MYOF: variants seen among roughly 807,000 people sequenced by gnomAD.
MYOF encodes myoferlin.
A neutral mutation model predicts 284.2 loss-of-function variants in MYOF; 244 were observed. The observed-to-expected ratio is 0.86, with a 90% CI of 0.77 to 0.95. The LOEUF (loss-of-function observed/expected upper bound fraction) is 0.95. Ranked by LOEUF, MYOF falls within the 40% of genes least tolerant of loss-of-function variation. The pLI, the probability that MYOF is intolerant of heterozygous loss-of-function variation, is 0.00. For synonymous variants in MYOF, 904 were observed against 919.7 expected (o/e 0.98, Z 0.31); for missense variants, 2,496 against 2,560.6 (o/e 0.97, Z 0.54).
intron 26 of MYOF, 82 bp from the exon 27 acceptor site, chr10:93,364,157 C>G: frequency 8.5e-7 from 1 of 1,178,304 alleles, no homozygotes. Flanking sequence ...CAGGAAGCAT[C>G]TACACCCTGG....
intron 22 of MYOF, among the ~76,000 whole-genome samples, chr10:93,375,413 C>T (rs1196551662): frequency 6.6e-6 from 1 of 152,134 alleles, no homozygotes. Flanking sequence ...GGGTGGGTCT[C>T]GAAGGTCTGT....
chr10:93,448,555 A>G (rs979416509), intron 3 of MYOF, among the ~76,000 whole-genome samples: 1 of 152,248 alleles, frequency 6.6e-6, no homozygotes, highest in African/African-American at 2.4e-5. Flanking sequence ...TTTTGAGGCC[A>G]GCCCATTGCC....
Position 93,422,448 on chromosome 10 carries a change from G to A in MYOF, c.433+3623C>T, listed in dbSNP as rs149356668. Among the ~76,000 whole-genome samples the A allele has an allele frequency of 5.9e-5, 9 of 152,328 alleles. No individual in the cohort carries two copies. In the East Asian group the frequency reaches 1.7e-3, roughly 29 times the overall value. ...CTACAAACAAAGGCTTAAACCAAGA[G>A]GAAAGGAGAAGGAGCCTTGGGTGGC... On this transcript the variant is annotated intron_variant, in intron 5 of 53. Coordinates refer to ENST00000359263, the MANE Select transcript of MYOF (RefSeq NM_013451.4).
chr10:93,421,609 ATGAGTTCACC>A (rs1343502035), intron 5 of MYOF, among the ~76,000 whole-genome samples: 3 of 152,134 alleles, frequency 2.0e-5, no homozygotes, highest in Non-Finnish European at 4.4e-5. Context: ...GCAGTAATGA[ATGAGTTCACC>A]TGAGAGCTGG....
chr10:93,403,055 G>C (rs1027281246), intron 9 of MYOF, among the ~76,000 whole-genome samples, 165 bp from the exon 10 acceptor site: 19 of 152,168 alleles, frequency 1.2e-4, no homozygotes, highest in Admixed American at 1.0e-3. Flanking sequence ...TGCCTTGTCT[G>C]ATGTGTGGCA....
At chr10:93,347,044 G>C (rs1456349035) in intron 37 of MYOF, among the ~76,000 whole-genome samples, 2 of 152,174 alleles carry the variant, frequency 1.3e-5, no homozygotes. Context: ...CCCAGGAGCA[G>C]GACGCTTCAG....
chr10:93,408,052 C>CT (rs1190226042), intron 7 of MYOF, among the ~76,000 whole-genome samples: 5 of 151,944 alleles, frequency 3.3e-5, no homozygotes, highest in Admixed American at 1.3e-4. Flanking sequence ...GGTAATTTTC[C>CT]TTTTTTTAAA....
intron 49 of MYOF, among the ~76,000 whole-genome samples, chr10:93,317,404 G>A (rs879642228): frequency 2.6e-5 from 4 of 151,958 alleles, no homozygotes; most frequent in African/African-American, 9.7e-5. Flanking sequence ...TTGGGAGGCC[G>A]AGGGGGTAGA....
chr10:93,415,874 A>G (rs1157611224), intron 5 of MYOF, among the ~76,000 whole-genome samples: 1 of 152,178 alleles, frequency 6.6e-6, no homozygotes, highest in African/African-American at 2.4e-5. Context: ...CAAAACTTTC[A>G]TTGACTCCAC....
At chr10:93,332,736 A>G (rs1843381872) in intron 43 of MYOF, among the ~76,000 whole-genome samples, 1 of 151,812 alleles carries the variant, frequency 6.6e-6, no homozygotes, top group African/African-American at 2.4e-5. Context: ...AGTCCCAGCT[A>G]CTCGGGAGGC....
intron 37 of MYOF, among the ~76,000 whole-genome samples, chr10:93,347,396 C>CA (rs1193750464): frequency 6.7e-6 from 1 of 149,778 alleles, no homozygotes; most frequent in East Asian, 2.0e-4. Flanking sequence ...ACTAAAAATA[C>CA]AAAAAATTAG....
chr10:93,452,617 A>G (rs912302735), intron 2 of MYOF, among the ~76,000 whole-genome samples: 5 of 150,800 alleles, frequency 3.3e-5, no homozygotes, highest in Non-Finnish European at 1.5e-5. Flanking sequence ...TGATGAGTTA[A>G]TGGGTGCAGC....
intron 5 of MYOF, 57 bp downstream of exon 5, chr10:93,426,014 T>G: frequency 6.9e-7 from 1 of 1,456,650 alleles, no homozygotes; most frequent in Non-Finnish European, 9.4e-7. Context: ...CACTCTCCTG[T>G]GTGTCTTTAG....
intron 37 of MYOF, among the ~76,000 whole-genome samples, chr10:93,345,634 G>A (rs1485083259): frequency 5.3e-5 from 8 of 152,292 alleles, no homozygotes; most frequent in Non-Finnish European, 1.0e-4. Flanking sequence ...CAGGGTCACA[G>A]GAACACAACT....
At chr10:93,406,848 A>G (rs1420472484) in intron 7 of MYOF, among the ~76,000 whole-genome samples, 5 of 151,262 alleles carry the variant, frequency 3.3e-5, no homozygotes, top group Non-Finnish European at 5.9e-5. Context: ...AGAAGTAGGA[A>G]AAAAAAAAGG....
intron 50 of MYOF, among the ~76,000 whole-genome samples, chr10:93,314,805 T>C (rs787672): frequency 0.6 from 91,523 of 152,016 alleles, 28,581 homozygotes; most frequent in East Asian, 0.9. Context: ...CCCAGCAATA[T>C]TGGGAGGCCG....
chr10:93,464,610 C>G (rs573468740), intron 1 of MYOF, among the ~76,000 whole-genome samples: 1 of 152,200 alleles, frequency 6.6e-6, no homozygotes, highest in South Asian at 2.1e-4. Flanking sequence ...AAGGCTGAAC[C>G]CCCAAGCTCA....
Position 93,306,733 on chromosome 10 carries a change from A to G in MYOF, c.*230T>C, listed in dbSNP as rs1033728065. On this transcript the variant is annotated 3_prime_UTR_variant, in exon 54 of 54. Coordinates refer to ENST00000359263, the MANE Select transcript of MYOF (RefSeq NM_013451.4). ...AAAAATATTTTGAAAAACATGATTT[A>G]AACTTTAGAAAATAAAACTTTTAAT... 2 of 480,674 alleles carry G rather than the reference A, an allele frequency of 4.2e-6. No individual in the cohort carries two copies. Among genetic ancestry groups the G allele is most frequent in the African/African-American group, 4.1e-5 (2 of 49,298 alleles). The allele number at this position is 480,674 out of a possible 1,614,324, so 29.8% of individuals were successfully genotyped here.
Position 93,478,278 on chromosome 10 carries a change from C to T in MYOF, c.88+3829G>A, listed in dbSNP as rs2057310615. 3 of 259,080 alleles carry T rather than the reference C, an allele frequency of 1.2e-5. 1 individual carries two copies. In the South Asian group the frequency reaches 1.2e-4, roughly 10 times the overall value. The allele number at this position is 259,080 out of a possible 1,614,324, so 16.0% of individuals were successfully genotyped here. A position where few individuals can be genotyped will look rare whatever the true frequency, so the allele number is the denominator to read the frequency against. The stretch of plus-strand genomic sequence containing the variant: ...GTCTAATCTCAGCTAGATTCAGCTT[C>T]ACAGCCTGGCTGTCCGCATGGAACT... On this transcript the variant is annotated intron_variant, in intron 1 of 53. Transcript: ENST00000359263.
Sources: allele counts gnomAD v4.1 joint callset (sites outside exome capture counted in the v4.1 genomes callset), GRCh38; gene constraint gnomAD v4.1.1; transcripts MANE v1.5; gene names NCBI Gene and HGNC (gene_info 2026-07-23, HGNC 2026-07-21).